Variants in SETD3 observed in about 807,000 individuals in gnomAD.
SETD3 encodes the protein SET domain containing 3, actin N3(tau)-histidine methyltransferase, also known as actin-histidine N-methyltransferase.
A neutral mutation model predicts 63.0 loss-of-function variants in SETD3; 19 were observed. That is an observed-to-expected ratio of 0.30 (90% CI 0.21 to 0.44). The LOEUF is 0.44. Among genes scored for constraint, SETD3 ranks in the 20% least tolerant of loss-of-function variants. The probability of loss-of-function intolerance (pLI) is 1.00; values close to 1 mark genes in which losing one functional copy is unlikely to be tolerated. For missense variants in SETD3, 587 were observed against 728.5 expected (o/e 0.81, Z 2.24); for synonymous variants, 286 against 264.1 (o/e 1.08, Z -0.80).
At chr14:99,452,199 C>T (rs1342839146) in intron 6 of SETD3, among the ~76,000 whole-genome samples, 1 of 151,926 alleles carries the variant, frequency 6.6e-6, no homozygotes, top group African/African-American at 2.4e-5. Context: ...CTCTGCCTCC[C>T]GGGTTCAAGC....
intron 4 of SETD3, among the ~76,000 whole-genome samples, chr14:99,460,641 G>A (rs1171546011): frequency 2.6e-5 from 4 of 152,158 alleles, no homozygotes; most frequent in Non-Finnish European, 5.9e-5. Context: ...GGCCAGGCAT[G>A]GCCAGTGACT....
upstream of SETD3, among the ~76,000 whole-genome samples, chr14:99,482,773 T>C (rs1896381159): frequency 6.6e-6 from 1 of 152,216 alleles, no homozygotes; most frequent in South Asian, 2.1e-4. Flanking sequence ...GTTTCTAAAA[T>C]TGAATGTCAT....
In SETD3 at chr14:99,458,535, C is replaced by G; in HGVS notation, c.419G>C (p.Gly140Ala). ...TVESAKNSVL[G>A]PLYSQDRILQ... ...GATTCGGTCTTGAGAATATAAGGGC[C>G]CTGAATTAACCCAGAAGTTAACAGC... Residue 140 changes from glycine to alanine, a missense_variant and splice_region_variant, in exon 6 of 13, where the codon GGG becomes GCG. Gly to Ala is a moderately conservative substitution (Grantham distance 60). Transcript: ENST00000331768. The G allele has an allele frequency of 6.2e-7, 1 of 1,612,742 alleles. No individual in the cohort carries two copies. The highest frequency in any genetic ancestry group is 8.5e-7 in the Non-Finnish European group (1 of 1,179,274).
At chr14:99,444,812 G>A (rs1381969562) in intron 6 of SETD3, among the ~76,000 whole-genome samples, 3 of 147,690 alleles carry the variant, frequency 2.0e-5, no homozygotes, top group Non-Finnish European at 1.5e-5. Context: ...ACCAGCCTGG[G>A]TAACAGTACT....
At chr14:99,420,865 G>C (rs1022948591) in intron 6 of SETD3, among the ~76,000 whole-genome samples, 3 of 142,356 alleles carry the variant, frequency 2.1e-5, no homozygotes, top group Non-Finnish European at 4.5e-5. Flanking sequence ...AAGAGGTGAG[G>C]CTGGGAACCT....
At chr14:99,431,534 C>T (rs1201154573) in intron 6 of SETD3, among the ~76,000 whole-genome samples, 1 of 151,956 alleles carries the variant, frequency 6.6e-6, no homozygotes, top group African/African-American at 2.4e-5. Flanking sequence ...TCTTGTTGCC[C>T]AGGCTGGAGT....
At chr14:99,427,525 T>C (rs1267834275) in intron 6 of SETD3, among the ~76,000 whole-genome samples, 1 of 152,198 alleles carries the variant, frequency 6.6e-6, no homozygotes, top group South Asian at 2.1e-4. Context: ...GTTATCAAAG[T>C]AAAATAGCTA....
chr14:99,469,597 T>C (rs1272622480), intron 1 of SETD3, among the ~76,000 whole-genome samples: 4 of 152,054 alleles, frequency 2.6e-5, no homozygotes, highest in Non-Finnish European at 5.9e-5. Context: ...ATATAAAAAT[T>C]AGCTGGGCAC....
At chr14:99,445,068 G>A (rs367866483) in intron 6 of SETD3, among the ~76,000 whole-genome samples, 41 of 152,242 alleles carry the variant, frequency 2.7e-4, no homozygotes, top group African/African-American at 9.4e-4. Flanking sequence ...TCAATTCCAG[G>A]TAGAGGTAAT....
At chr14:99,438,816 C>G (rs569977859) in intron 6 of SETD3, among the ~76,000 whole-genome samples, 56 of 152,320 alleles carry the variant, frequency 3.7e-4, no homozygotes, top group African/African-American at 1.3e-3. Context: ...CTAGTCCTCT[C>G]CCTCTCACCG....
chr14:99,418,121 T>A (rs932343828), intron 6 of SETD3, among the ~76,000 whole-genome samples: 5 of 152,328 alleles, frequency 3.3e-5, no homozygotes, highest in Non-Finnish European at 7.3e-5. Context: ...TGTTAAAGAA[T>A]TTACATCCTG....
In SETD3 at chr14:99,399,741, A is replaced by AATTTTTTTTTTTTTTTTTT. The variant is rs1566869064; in HGVS notation, c.1338+357_1338+358insAAAAAAAAAAAAAAAAAAT. Among the ~76,000 whole-genome samples the AATTTTTTTTTTTTTTTTTT allele has an allele frequency of 1.6e-4, 20 of 127,728 alleles. 10 individuals carry two copies. Among genetic ancestry groups the AATTTTTTTTTTTTTTTTTT allele is most frequent in the African/African-American group, 1.2e-4 (4 of 33,634 alleles). The allele number at this position is 127,728 out of a possible 152,430, so 83.8% of individuals were successfully genotyped here. On this transcript the variant is annotated intron_variant, in intron 12 of 12. Coordinates refer to ENST00000331768, the MANE Select transcript of SETD3 (RefSeq NM_032233.3). The stretch of plus-strand genomic sequence containing the variant: ...GAATTAACAAGAAATCTTTCATTAA[A>AATTTTTTTTTTTTTTTTTT]TTTTTTTTTTTTTTTTTTTTTTTTT...
chr14:99,406,789 G>A (rs553050363), intron 8 of SETD3, among the ~76,000 whole-genome samples, 199 bp from the exon 9 acceptor site: 1 of 152,318 alleles, frequency 6.6e-6, no homozygotes, highest in East Asian at 1.9e-4. Context: ...AGATGATTAT[G>A]GAAAATTACA....
At chr14:99,482,738 A>G (rs917393386), upstream of SETD3, among the ~76,000 whole-genome samples, 8 of 152,228 alleles carry the variant, frequency 5.3e-5, no homozygotes, top group South Asian at 2.1e-4. Context: ...CGAGTTGTTA[A>G]TGAGGTTCTT....
At chr14:99,476,773 T>C (rs768581639) in intron 1 of SETD3, among the ~76,000 whole-genome samples, 2 of 152,238 alleles carry the variant, frequency 1.3e-5, no homozygotes, top group East Asian at 1.9e-4. Context: ...AGACCTGTTA[T>C]GTCCTGATGA....
At chr14:99,447,129 G>A (rs750305791) in intron 6 of SETD3, among the ~76,000 whole-genome samples, 5 of 152,024 alleles carry the variant, frequency 3.3e-5, no homozygotes, top group African/African-American at 9.7e-5. Context: ...ACGCCACCAC[G>A]CCCAGCTAAT....
Position 99,407,229 on chromosome 14 carries a change from T to C in SETD3, c.850-639A>G, listed in dbSNP as rs571035160. On this transcript the variant is annotated intron_variant, in intron 8 of 12. Coordinates refer to ENST00000331768, the MANE Select transcript of SETD3 (RefSeq NM_032233.3). ...TTTCTAAGTCCATTACAAATAAATA[T>C]AGAAAATCCTCTCATTATACCCCAA... 8.5e-5 allele frequency among the ~76,000 whole-genome samples: 13 copies of C among 152,286 alleles called. No homozygotes were observed. In the South Asian group the frequency reaches 2.5e-3, roughly 29 times the overall value.
intron 1 of SETD3, among the ~76,000 whole-genome samples, chr14:99,477,044 C>CA (rs1896008743): frequency 6.6e-6 from 1 of 152,152 alleles, no homozygotes; most frequent in Admixed American, 6.5e-5. Context: ...GTTAGGCTTG[C>CA]AAAAGGCTAA....
At chr14:99,405,505 T>C in intron 9 of SETD3, 134 bp from the exon 10 acceptor site, 2 of 985,082 alleles carry the variant, frequency 2.0e-6, no homozygotes, top group Admixed American at 2.9e-5. Context: ...TACACCTGTT[T>C]GGTATAGGTT....
Sources: allele counts gnomAD v4.1 joint callset (sites outside exome capture counted in the v4.1 genomes callset), GRCh38; gene constraint gnomAD v4.1.1; transcripts MANE v1.5; gene names NCBI Gene and HGNC (gene_info 2026-07-23, HGNC 2026-07-21).